MMP25: variants seen among roughly 807,000 people sequenced by gnomAD.
The protein encoded by MMP25 is matrix metallopeptidase 25, also known as matrix metalloproteinase-25.
MMP25 carries 68 observed loss-of-function variants against 62.1 expected under a neutral mutation model. The ratio of observed to expected loss-of-function variants is 1.10; its 90% CI spans 0.90 to 1.34. The LOEUF is 1.34. Ranked by LOEUF, MMP25 falls within the 40% of genes most tolerant of loss-of-function variation. The pLI, the probability that MMP25 is intolerant of heterozygous loss-of-function variation, is 0.00. For synonymous variants in MMP25, 407 were observed against 345.6 expected, an observed-to-expected ratio of 1.18 and a Z score of -1.97; for missense variants, 942 against 792.5, an observed-to-expected ratio of 1.19 and a Z score of -2.26.
chr16:3,057,517 C>T lies in MMP25; in HGVS notation c.924-14C>T. 6.2e-7 allele frequency: 1 copy of T among 1,613,054 alleles called. No individual in the cohort carries two copies. Among genetic ancestry groups the T allele is most frequent in the Non-Finnish European group, 8.5e-7 (1 of 1,179,050 alleles). On this transcript the variant is annotated splice_polypyrimidine_tract_variant and intron_variant, in intron 6 of 9. Transcript: ENST00000336577. Reference sequence around the variant, plus strand: ...CAAACCCCCCTCTCTACTCACCTCTCCTTTCCTCCCCAGCCCATCCTTCCC... The same window carrying T: ...CAAACCCCCCTCTCTACTCACCTCTTCTTTCCTCCCCAGCCCATCCTTCCC...
At position 3,058,678 on chromosome 16, in the gene MMP25, CG is replaced by C; in HGVS notation, c.1417+10del. 1 of 1,589,254 alleles carries C rather than the reference CG, an allele frequency of 6.3e-7. No individual in the cohort carries two copies. Among genetic ancestry groups the C allele is most frequent in the Non-Finnish European group, 8.6e-7 (1 of 1,166,830 alleles). On this transcript the variant is annotated intron_variant, in intron 9 of 9. Coordinates refer to ENST00000336577, the MANE Select transcript of MMP25 (RefSeq NM_022468.5). ...CACCGTCAGCAACGCAGGTGGGGAG[CG>C]CGGTGACCTGCGGGTTACTGGGCCT...
chr16:3,054,606 A>G (rs1351143323), intron 4 of MMP25: 13 of 152,372 alleles, frequency 8.5e-5, no homozygotes, highest in Non-Finnish European at 1.3e-4. Context: ...GGACAGATGC[A>G]TGCACAGAGG....
At chr16:3,057,674 G>A (rs1246015863) in intron 7 of MMP25, 61 bp downstream of exon 7, 2 of 1,470,998 alleles carry the variant, frequency 1.4e-6, no homozygotes, top group Non-Finnish European at 1.9e-6. Flanking sequence ...GTGACCCACT[G>A]GGGCTGTGGG....
chr16:3,056,916 C>A, intron 4 of MMP25, 117 bp from the exon 5 acceptor site: 1 of 1,104,728 alleles, frequency 9.1e-7, no homozygotes, highest in Non-Finnish European at 1.3e-6. Context: ...GAGGCTGGGG[C>A]CACCTCTGGA....
intron 4 of MMP25, chr16:3,056,284 G>C (rs1956007158): frequency 4.4e-6 from 1 of 227,816 alleles, no homozygotes; most frequent in African/African-American, 2.3e-5. Flanking sequence ...ACTGTAGCTG[G>C]GAGGAGGGGA....
At position 3,057,181 on chromosome 16, in the gene MMP25, T is replaced by C; in HGVS notation, c.810T>C (p.Asp270=). The C allele has an allele frequency of 1.2e-6, 2 of 1,612,560 alleles. No homozygotes were observed. The highest frequency in any genetic ancestry group is 1.7e-6 in the Non-Finnish European group (2 of 1,179,258). Residue 270 remains aspartate (D), a synonymous_variant, in exon 5 of 10, where the codon GAT becomes GAC. Transcript: ENST00000336577. Reference sequence around the variant, plus strand: ...CTGACAAGTACCGCCTGTCTCAGGATGACCGCGATGGCCTGCAGCAACTCT... The same window carrying C: ...CTGACAAGTACCGCCTGTCTCAGGACGACCGCGATGGCCTGCAGCAACTCT... ...GDPDKYRLSQ[D]DRDGLQQLYG...
intron 1 of MMP25, 122 bp downstream of exon 1, chr16:3,047,138 G>C: frequency 1.7e-6 from 2 of 1,180,796 alleles, no homozygotes; most frequent in East Asian, 5.8e-5. Flanking sequence ...AGTGACTGAG[G>C]ATGGGGTCTG....
At chr16:3,050,809 A>G (rs2151154637) in intron 4 of MMP25, among the ~76,000 whole-genome samples, 1 of 152,096 alleles carries the variant, frequency 6.6e-6, no homozygotes, top group African/African-American at 2.4e-5. Context: ...TACTTTTTGT[A>G]GAAACAGGGT....
intron 6 of MMP25, 37 bp downstream of exon 6, chr16:3,057,431 A>C: frequency 1.2e-6 from 2 of 1,603,216 alleles, no homozygotes; most frequent in South Asian, 2.2e-5. Context: ...TTGGGTGACC[A>C]GCTGCCCAGC....
Position 3,046,889 on chromosome 16 carries a change from C to G in MMP25, c.-29C>G. On this transcript the variant is annotated 5_prime_UTR_variant, in exon 1 of 10. Coordinates refer to ENST00000336577, the MANE Select transcript of MMP25 (RefSeq NM_022468.5). ...GGCCCCAGCCAGGCCCCCTTCGAAC[C>G]CCGCCGGCGGCCCGGGCTGGGGCGC... The G allele has an allele frequency of 7.4e-7, 1 of 1,350,218 alleles. No individual in the cohort carries two copies. 83.6% of individuals were successfully genotyped at this position (1,350,218 alleles called of 1,614,324 possible). A position where few individuals can be genotyped will look rare whatever the true frequency, so the allele number is the denominator to read the frequency against.
Position 3,059,352 on chromosome 16 carries a change from G to C in MMP25, c.*254G>C, listed in dbSNP as rs1008961086. The C allele has an allele frequency of 2.3e-5, 9 of 385,800 alleles. No homozygotes were observed. The highest frequency in any genetic ancestry group is 3.6e-5 in the Non-Finnish European group (8 of 219,676). The allele number at this position is 385,800 out of a possible 1,614,324, so 23.9% of individuals were successfully genotyped here. ...CCGGAACCCGCCTTCAGGGGCGCAC[G>C]CGCGCTGGGACCATGCGTCGGTCGT... On this transcript the variant is annotated 3_prime_UTR_variant, in exon 10 of 10. Transcript: ENST00000336577.
rs780728650 is a variant in MMP25, at chr16:3,057,339, C to T, written c.868C>T (p.Pro290Ser). 6.2e-7 allele frequency: 1 copy of T among 1,614,014 alleles called. No individual in the cohort carries two copies. The highest frequency in any genetic ancestry group is 1.1e-5 in the South Asian group (1 of 91,034). The change falls in exon 6 of 10, where the codon CCC (proline) becomes TCC (serine). Residue 290 changes from proline to serine, a missense_variant. Physicochemically the swap from Pro to Ser is moderately conservative, Grantham distance 74. Transcript: ENST00000336577. ...GKAPQTPYDK[P>S]TRKPLAPPPQ... ...GGCGCCCCAAACCCCATATGACAAG[C>T]CCACAAGGAAACCCCTGGCTCCTCC... is the stretch of plus-strand genomic sequence containing the variant.
intron 4 of MMP25, chr16:3,054,739 T>C: frequency 7.3e-6 from 1 of 136,322 alleles, no homozygotes; most frequent in African/African-American, 2.8e-5. Context: ...GACAGATGCA[T>C]GCACAGAGGC....
Position 3,046,863 on chromosome 16 carries a change from C to T in MMP25, c.-55C>T, listed in dbSNP as rs1445162676. Reference sequence around the variant, plus strand: ...GATCTCCTCCCCCAGGTCCCCGGGGCGGCCCCAGCCAGGCCCCCTTCGAAC... The same window carrying T: ...GATCTCCTCCCCCAGGTCCCCGGGGTGGCCCCAGCCAGGCCCCCTTCGAAC... On this transcript the variant is annotated 5_prime_UTR_variant, in exon 1 of 10. Transcript: ENST00000336577. The T allele has an allele frequency of 2.9e-6, 3 of 1,042,650 alleles. No individual in the cohort carries two copies. Among genetic ancestry groups the T allele is most frequent in the Non-Finnish European group, 3.8e-6 (3 of 780,288 alleles). The allele number at this position is 1,042,650 out of a possible 1,614,324, so 64.6% of individuals were successfully genotyped here.
chr16:3,048,493 A>T (rs1322887659), intron 2 of MMP25, among the ~76,000 whole-genome samples: 1 of 152,230 alleles, frequency 6.6e-6, no homozygotes, highest in African/African-American at 2.4e-5. Context: ...TTTAGAAAAA[A>T]ATAAAATGCT....
chr16:3,046,976 G>A lies in MMP25; in HGVS notation c.59G>A (p.Arg20His), dbSNP rs1405788621. ...CTTCTGCTGCTGGCACCGCCCGCGC[G>A]CGCCCCGAAGCCCTCGGCGCAGGAC... ...LLLLLLAPPA[R>H]APKPSAQDVS... Residue 20 changes from arginine to histidine, a missense_variant, in exon 1 of 10, where the codon CGC becomes CAC. Physicochemically the swap from Arg to His is conservative, Grantham distance 29. Coordinates refer to ENST00000336577, the MANE Select transcript of MMP25 (RefSeq NM_022468.5). 4.1e-6 allele frequency: 6 copies of A among 1,470,722 alleles called. No individual in the cohort carries two copies. The highest frequency in any genetic ancestry group is 5.4e-6 in the Non-Finnish European group (6 of 1,119,022). 91.1% of individuals were successfully genotyped at this position (1,470,722 alleles called of 1,614,324 possible). A position where few individuals can be genotyped will look rare whatever the true frequency, so the allele number is the denominator to read the frequency against.
At chr16:3,058,705 G>C (rs1956061969) in intron 9 of MMP25, 36 bp downstream of exon 9, 5 of 1,570,028 alleles carry the variant, frequency 3.2e-6, no homozygotes, top group East Asian at 2.3e-5. Flanking sequence ...TACTGGGCCT[G>C]GGGGTGGGGA....
intron 2 of MMP25, among the ~76,000 whole-genome samples, chr16:3,048,299 C>T (rs1314179539): frequency 6.6e-6 from 1 of 152,180 alleles, no homozygotes; most frequent in East Asian, 1.9e-4. Context: ...CAGATGGAGA[C>T]CCAGTCTCTA....
intron 4 of MMP25, among the ~76,000 whole-genome samples, chr16:3,056,472 TCA>T (rs1456178858): frequency 6.6e-6 from 1 of 152,028 alleles, no homozygotes; most frequent in Non-Finnish European, 1.5e-5. Flanking sequence ...TGGTCATGCG[TCA>T]CTGCAGCCTC....
Sources: gnomAD v4.1 joint callset for allele counts (sites outside exome capture counted in the v4.1 genomes callset) on GRCh38, gnomAD v4.1.1 for gene constraint, MANE v1.5 for transcripts, NCBI Gene and HGNC (gene_info 2026-07-23, HGNC 2026-07-21) for gene names.